RNFT2: variants seen among roughly 807,000 people sequenced by gnomAD.
The protein encoded by RNFT2 is E3 ubiquitin-protein ligase RNFT2.
Under a neutral mutation model 53.0 loss-of-function variants are expected in RNFT2, and 36 were observed. The ratio of observed to expected loss-of-function variants is 0.68; its 90% CI spans 0.52 to 0.90. The LOEUF (loss-of-function observed/expected upper bound fraction) is 0.90, where lower values mean the gene tolerates loss of function less well. Among genes scored for constraint, RNFT2 ranks in the 40% least tolerant of loss-of-function variants. RNFT2 has a pLI of 0.00. For synonymous variants in RNFT2, 260 were observed against 253.2 expected (o/e 1.03, Z -0.26); for missense variants, 514 against 585.6 (o/e 0.88, Z 1.26).
At chr12:116,771,948 C>T (rs894095515) in intron 6 of RNFT2, among the ~76,000 whole-genome samples, 1 of 152,220 alleles carries the variant, frequency 6.6e-6, no homozygotes, top group Non-Finnish European at 1.5e-5. Flanking sequence ...ACATCTCGAA[C>T]GGTCAACAGT....
At chr12:116,750,867 ATATAATATATATAT>A (rs1566069450) in intron 4 of RNFT2, among the ~76,000 whole-genome samples, 12 of 104,926 alleles carry the variant, frequency 1.1e-4, no homozygotes, top group African/African-American at 4.9e-4. Flanking sequence ...TATTATATAT[ATATAATATATATAT>A]TATATATATA....
At chr12:116,806,367 C>CAAAAAAA (rs139305837) in intron 7 of RNFT2, among the ~76,000 whole-genome samples, 19 of 113,946 alleles carry the variant, frequency 1.7e-4, no homozygotes, top group African/African-American at 7.4e-4. Flanking sequence ...GAGACTGTCT[C>CAAAAAAA]AAAAAAAAAA....
At chr12:116,783,509 C>T (rs1873800553) in intron 7 of RNFT2, among the ~76,000 whole-genome samples, 1 of 152,196 alleles carries the variant, frequency 6.6e-6, no homozygotes, top group African/African-American at 2.4e-5. Context: ...TCAGCTGCCT[C>T]GTCAAGGTGG....
rs146445043 is a variant in RNFT2, at chr12:116,811,565, G to A, written c.883-22227G>A. Among the ~76,000 whole-genome samples, 231 of 152,222 alleles carry A rather than the reference G, an allele frequency of 1.5e-3. No individual in the cohort carries two copies. The Middle Eastern group carries it at 0.02, about 13-fold the overall frequency. On this transcript the variant is annotated intron_variant, in intron 7 of 10. Coordinates refer to ENST00000257575, the MANE Select transcript of RNFT2 (RefSeq NM_001382266.1). ...TAATTTTTGTATTTTTAGTAGAGAC[G>A]AGTTTTCGCCATGTTGGCCAGGCTG...
In RNFT2 at chr12:116,835,945, C is replaced by G. The variant is rs1272716957; in HGVS notation, c.1033-15C>G. On this transcript the variant is annotated splice_polypyrimidine_tract_variant and intron_variant, in intron 8 of 10. Coordinates refer to ENST00000257575, the MANE Select transcript of RNFT2 (RefSeq NM_001382266.1). ...CCTTGGGTACATTTCAGCCACCACC[C>G]TGCTCTCCTTTCAGTCCTTCGACAT... 2.5e-6 allele frequency: 4 copies of G among 1,613,854 alleles called. No individual in the cohort carries two copies. The East Asian group carries it at 8.9e-5, about 36-fold the overall frequency.
chr12:116,779,860 C>T lies in RNFT2; in HGVS notation c.882+512C>T, dbSNP rs143426379. 1.6e-4 allele frequency among the ~76,000 whole-genome samples: 24 copies of T among 152,242 alleles called. 1 individual carries two copies. The East Asian group carries it at 4.6e-3, about 29-fold the overall frequency. ...GCAGTGTATCATAGAGAAAGGCCTCCAGGCAGGTGTTGGAATGAAGAGGCC... is the reference window on the plus strand; with the variant it reads ...GCAGTGTATCATAGAGAAAGGCCTCTAGGCAGGTGTTGGAATGAAGAGGCC... On this transcript the variant is annotated intron_variant, in intron 7 of 10. Coordinates refer to ENST00000257575, the MANE Select transcript of RNFT2 (RefSeq NM_001382266.1).
rs1365154139 is a variant in RNFT2 at position 116,747,295 on chromosome 12, A to G, written c.84-2546A>G. On this transcript the variant is annotated intron_variant, in intron 3 of 10. Transcript: ENST00000257575. ...GGTCTTGAACTCCTGGGCTCAAGCA[A>G]TCTGCCCACCTTGGCCTCCCAAAGT... Among the ~76,000 whole-genome samples the G allele has an allele frequency of 7.2e-5, 11 of 152,316 alleles. No individual in the cohort carries two copies. In the East Asian group the frequency reaches 1.9e-3, roughly 27 times the overall value.
At chr12:116,841,613 TG>T (rs1877253154) in intron 10 of RNFT2, among the ~76,000 whole-genome samples, 1 of 149,710 alleles carries the variant, frequency 6.7e-6, no homozygotes, top group Non-Finnish European at 1.5e-5. Context: ...CCTGGCATGG[TG>T]GCACACACCT....
chr12:116,774,449 A>T (rs1323883109), intron 6 of RNFT2, among the ~76,000 whole-genome samples: 4 of 152,240 alleles, frequency 2.6e-5, no homozygotes, highest in Non-Finnish European at 5.9e-5. Context: ...TTTAAAAAAA[A>T]GTATTTAGAG....
intron 3 of RNFT2, among the ~76,000 whole-genome samples, chr12:116,742,729 G>C (rs902889645): frequency 6.6e-6 from 1 of 152,244 alleles, no homozygotes; most frequent in East Asian, 1.9e-4. Context: ...GATAACCTGA[G>C]TCCAGGAGTT....
At chr12:116,822,097 A>G (rs761209951) in intron 7 of RNFT2, among the ~76,000 whole-genome samples, 21 of 151,938 alleles carry the variant, frequency 1.4e-4, no homozygotes, top group Non-Finnish European at 2.6e-4. Flanking sequence ...GGCCTCCCAA[A>G]GTGCTGGAGT....
intron 3 of RNFT2, among the ~76,000 whole-genome samples, chr12:116,746,218 C>A (rs911295163): frequency 2.6e-5 from 4 of 152,214 alleles, no homozygotes; most frequent in African/African-American, 9.6e-5. Flanking sequence ...GCCTGGGTGA[C>A]AGAGGGAGAC....
chr12:116,790,946 G>T (rs754542093), intron 7 of RNFT2, among the ~76,000 whole-genome samples: 1 of 152,172 alleles, frequency 6.6e-6, no homozygotes, highest in African/African-American at 2.4e-5. Context: ...AGGCAACAGA[G>T]GGAGACCCTG....
At chr12:116,756,309 TTTTTTTG>T (rs201319926) in intron 5 of RNFT2, among the ~76,000 whole-genome samples, 1 of 152,044 alleles carries the variant, frequency 6.6e-6, no homozygotes, top group Non-Finnish European at 1.5e-5. Flanking sequence ...TCCTAAGGTT[TTTTTTTG>T]TTTTTTGTTT....
chr12:116,843,561 T>G (rs934072407), intron 10 of RNFT2, among the ~76,000 whole-genome samples: 9 of 148,466 alleles, frequency 6.1e-5, no homozygotes, highest in African/African-American at 2.2e-4. Flanking sequence ...GCCACCTGCC[T>G]TCCCCACTGC....
chr12:116,796,898 G>A (rs1305553712), intron 7 of RNFT2, among the ~76,000 whole-genome samples: 2 of 152,216 alleles, frequency 1.3e-5, no homozygotes, highest in Non-Finnish European at 2.9e-5. Context: ...ACAGGGGCTG[G>A]AAGAAGGTTA....
intron 3 of RNFT2, among the ~76,000 whole-genome samples, chr12:116,745,215 C>T (rs1871838301): frequency 7.5e-6 from 1 of 133,314 alleles, no homozygotes; most frequent in Non-Finnish European, 1.5e-5. Flanking sequence ...CACTGTGTTG[C>T]CCAGGCTGGA....
In RNFT2 at chr12:116,779,292, G is replaced by T. The variant is rs776528264; in HGVS notation, c.826G>T (p.Ala276Ser). Reference sequence around the variant, plus strand: ...CTTTGTTCTGAAGTACATCACCATCGCCCTCAAGTGCCTCATCGTGGCCCT... The same window carrying T: ...CTTTGTTCTGAAGTACATCACCATCTCCCTCAAGTGCCTCATCGTGGCCCT... ...ADFVLKYITI[A>S]LKCLIVALPK... The change falls in exon 7 of 11, where the codon GCC becomes TCC. Residue 276 changes from alanine (A) to serine (S), a missense_variant. Coordinates refer to ENST00000257575, the MANE Select transcript of RNFT2 (RefSeq NM_001382266.1). The T allele has an allele frequency of 6.2e-7, 1 of 1,613,860 alleles. No homozygotes were observed. The highest frequency in any genetic ancestry group is 1.1e-5 in the South Asian group (1 of 91,082).
chr12:116,798,938 G>A (rs986038254), intron 7 of RNFT2, among the ~76,000 whole-genome samples: 3 of 152,086 alleles, frequency 2.0e-5, no homozygotes, highest in Non-Finnish European at 4.4e-5. Flanking sequence ...CTGACTTAGT[G>A]GCTTAGAAAA....
Sources: gnomAD v4.1 joint callset for allele counts (sites outside exome capture counted in the v4.1 genomes callset) on GRCh38, gnomAD v4.1.1 for gene constraint, MANE v1.5 for transcripts, NCBI Gene and HGNC (gene_info 2026-07-23, HGNC 2026-07-21) for gene names.